The following PACC1 variants were observed in gnomAD, a reference collection of about 807,000 sequenced individuals.
PACC1 encodes proton-activated chloride channel.
Under a neutral mutation model 39.7 loss-of-function variants are expected in PACC1, and 34 were observed. The ratio of observed to expected loss-of-function variants is 0.86; its 90% CI spans 0.65 to 1.14. The LOEUF (loss-of-function observed/expected upper bound fraction) is 1.14, where lower values mean the gene tolerates loss of function less well. PACC1 is among the 50% of genes most tolerant of loss of function. The pLI is 0.00. For missense variants in PACC1, 379 were observed against 436.4 expected, an observed-to-expected ratio of 0.87 and a Z score of 1.17; for synonymous variants, 127 against 160.6, an observed-to-expected ratio of 0.79 and a Z score of 1.58.
Position 212,386,280 on chromosome 1 carries a change from C to G in PACC1, c.343+611G>C, listed in dbSNP as rs1267872097. ...TCATGCCTCCTCATTTACTCTACAG[C>G]CCCTAGAACATCCAGTGCCAGCCCT... On this transcript the variant is annotated intron_variant, in intron 3 of 7. Transcript: ENST00000261455. The surrounding 1 kb of genome is among the most constrained non-coding windows in gnomAD (Gnocchi z 5.0). 6.6e-6 allele frequency among the ~76,000 whole-genome samples: 1 copy of G among 152,146 alleles called. No homozygotes were observed. Among genetic ancestry groups the G allele is most frequent in the African/African-American group, 2.4e-5 (1 of 41,434 alleles).
chr1:212,410,641 AGAGT>A lies in PACC1; in HGVS notation c.37-124_37-121del, dbSNP rs905771920. On this transcript the variant is annotated intron_variant, in intron 1 of 7. Coordinates refer to ENST00000261455, the MANE Select transcript of PACC1 (RefSeq NM_018252.3). Reference sequence around the variant, plus strand: ...ATTGTCACCAAAAACCACATGACATAGAGTGTGTTACAGCAATTTTACAGATGAG... The same window carrying A: ...ATTGTCACCAAAAACCACATGACATAGTGTTACAGCAATTTTACAGATGAG... The A allele has an allele frequency of 5.6e-6, 5 of 891,042 alleles. No individual in the cohort carries two copies. The African/African-American group carries it at 6.6e-5, about 12-fold the overall frequency. The allele number at this position is 891,042 out of a possible 1,614,324, so 55.2% of individuals were successfully genotyped here.
chr1:212,372,282 CAAAAAAAAAAAACAA>C (rs1660487519), intron 7 of PACC1, among the ~76,000 whole-genome samples: 1 of 130,960 alleles, frequency 7.6e-6, no homozygotes, highest in African/African-American at 2.7e-5. Context: ...GAAACTGTGT[CAAAAAAAAAAAACAA>C]AAAACAAAAA....
chr1:212,377,923 G>C (rs1235086262), intron 5 of PACC1, among the ~76,000 whole-genome samples: 1 of 152,142 alleles, frequency 6.6e-6, no homozygotes, highest in Non-Finnish European at 1.5e-5. Flanking sequence ...CAAATGGAGG[G>C]GTAGTCACTG....
chr1:212,403,287 G>A (rs1251959009), intron 2 of PACC1, among the ~76,000 whole-genome samples: 1 of 152,176 alleles, frequency 6.6e-6, no homozygotes, highest in Non-Finnish European at 1.5e-5. Flanking sequence ...TTGAATCTCT[G>A]CTACACTGTC....
intron 2 of PACC1, among the ~76,000 whole-genome samples, chr1:212,398,263 T>C (rs1478066723): frequency 2.0e-5 from 3 of 152,218 alleles, no homozygotes; most frequent in Non-Finnish European, 2.9e-5. Context: ...GGGCAGAATA[T>C]AGTATCTTTC....
chr1:212,401,300 A>T (rs546864584), intron 2 of PACC1, among the ~76,000 whole-genome samples: 1 of 152,168 alleles, frequency 6.6e-6, no homozygotes, highest in South Asian at 2.1e-4. Flanking sequence ...AGGGCATCAT[A>T]TATGTGGCTG....
chr1:212,405,846 T>G (rs1208690953), intron 2 of PACC1, among the ~76,000 whole-genome samples: 1 of 151,972 alleles, frequency 6.6e-6, no homozygotes, highest in Non-Finnish European at 1.5e-5. Flanking sequence ...AAAGTGTATA[T>G]AAAAAGCCCT....
intron 1 of PACC1, chr1:212,413,830 G>T: frequency 6.9e-7 from 1 of 1,447,466 alleles, no homozygotes; most frequent in Non-Finnish European, 9.2e-7. Context: ...TAAAGGGAGC[G>T]ATGGTAACAC....
At chr1:212,401,053 T>C (rs1661692319) in intron 2 of PACC1, among the ~76,000 whole-genome samples, 1 of 152,182 alleles carries the variant, frequency 6.6e-6, no homozygotes, top group African/African-American at 2.4e-5. Context: ...GTGTGGTCAA[T>C]TTTGTTTCTC....
chr1:212,413,585 G>A (rs902773082), intron 1 of PACC1, among the ~76,000 whole-genome samples: 1 of 152,196 alleles, frequency 6.6e-6, no homozygotes, highest in African/African-American at 2.4e-5. Context: ...GTGAGCACAC[G>A]CACAGAGGCA....
intron 1 of PACC1, among the ~76,000 whole-genome samples, chr1:212,414,335 G>A (rs529383242): frequency 6.6e-6 from 1 of 152,202 alleles, no homozygotes; most frequent in East Asian, 1.9e-4. Flanking sequence ...AGGAGGGCGC[G>A]GGCGCTCCAC....
chr1:212,411,124 C>T (rs1442245342), intron 1 of PACC1, among the ~76,000 whole-genome samples: 2 of 152,178 alleles, frequency 1.3e-5, no homozygotes, highest in African/African-American at 4.8e-5. Flanking sequence ...GGGGTTAGGA[C>T]TTCAACATAT....
chr1:212,386,723 C>T lies in PACC1; in HGVS notation c.343+168G>A, dbSNP rs1661112477. ...CCATTTCTGTCCTCAGCACGTAACA[C>T]ACTCCCAACAGCAGCTCCTTGGGCA... On this transcript the variant is annotated intron_variant, in intron 3 of 7. Transcript: ENST00000261455. This position sits in a 1 kb window ranked among gnomAD's most constrained non-coding sequence, Gnocchi z 5.0. Among the ~76,000 whole-genome samples, 1 of 152,124 alleles carries T rather than the reference C, an allele frequency of 6.6e-6. No individual in the cohort carries two copies. The highest frequency in any genetic ancestry group is 1.5e-5 in the Non-Finnish European group (1 of 68,016).
intron 4 of PACC1, 72 bp downstream of exon 4, chr1:212,385,202 G>A: frequency 6.3e-7 from 1 of 1,582,280 alleles, no homozygotes; most frequent in East Asian, 2.2e-5. Flanking sequence ...TAGGAAAAAG[G>A]AAACTTGGGG....
chr1:212,395,928 C>G (rs1431352832), intron 2 of PACC1, among the ~76,000 whole-genome samples: 6 of 152,288 alleles, frequency 3.9e-5, no homozygotes, highest in Admixed American at 3.9e-4. Context: ...ATTAAAAATT[C>G]AGGAAACAAC....
intron 2 of PACC1, among the ~76,000 whole-genome samples, chr1:212,394,427 G>T (rs999169929): frequency 3.9e-5 from 6 of 152,152 alleles, no homozygotes; most frequent in African/African-American, 1.4e-4. Context: ...GTATTGATGG[G>T]ACGTATCTAA....
Position 212,365,223 on chromosome 1 carries a change from T to C in PACC1, c.1045A>G (p.Ile349Val), listed in dbSNP as rs1332056970. ...LKRRGQATSH[I>V]S ...AACAACGCGAGGTGACTTCAGCTTA[T>C]GTGGCTCGTTGCCTGACCTCTTCTT... Residue 349 changes from isoleucine to valine, a missense_variant, in exon 8 of 8, where the codon ATA becomes GTA. Physicochemically the swap from Ile to Val is conservative, Grantham distance 29 (BLOSUM62 3). Transcript: ENST00000261455. The C allele has an allele frequency of 1.9e-6, 3 of 1,613,396 alleles. No individual in the cohort carries two copies. The highest frequency in any genetic ancestry group is 2.5e-6 in the Non-Finnish European group (3 of 1,179,730).
chr1:212,404,321 T>C (rs996133159), intron 2 of PACC1, among the ~76,000 whole-genome samples: 2 of 151,418 alleles, frequency 1.3e-5, no homozygotes, highest in African/African-American at 2.4e-5. Context: ...TTAGCCAGGA[T>C]GGTGTCGATC....
At chr1:212,397,424 T>C (rs1301576564) in intron 2 of PACC1, among the ~76,000 whole-genome samples, 3 of 152,252 alleles carry the variant, frequency 2.0e-5, no homozygotes, top group Non-Finnish European at 4.4e-5. Flanking sequence ...TATGCTTTGA[T>C]AGCAGATTTC....
Sources: gnomAD v4.1 joint callset for allele counts (sites outside exome capture counted in the v4.1 genomes callset) on GRCh38, gnomAD v4.1.1 for gene constraint, Gnocchi (gnomAD v3.1) non-coding constraint, MANE v1.5 for transcripts, NCBI Gene and HGNC (gene_info 2026-07-23, HGNC 2026-07-21) for gene names.